ABCB11: variants seen among roughly 807,000 people sequenced by gnomAD.
ABCB11 encodes bile salt export pump.
ABCB11 carries 95 observed loss-of-function variants against 148.0 expected under a neutral mutation model. The observed-to-expected ratio is 0.64, with a 90% CI of 0.54 to 0.76. The LOEUF (loss-of-function observed/expected upper bound fraction) is 0.76, where lower values mean the gene tolerates loss of function less well. Among genes scored for constraint, ABCB11 ranks in the 30% least tolerant of loss-of-function variants. The pLI is 0.00. For missense variants in ABCB11, 1,523 were observed against 1,617.8 expected, an observed-to-expected ratio of 0.94 and a Z score of 1.01; for synonymous variants, 591 against 555.4, an observed-to-expected ratio of 1.06 and a Z score of -0.90.
chr2:169,014,237 T>G, intron 4 of ABCB11, 66 bp downstream of exon 4: 4 of 1,440,290 alleles, frequency 2.8e-6, no homozygotes, highest in Non-Finnish European at 3.9e-6. Flanking sequence ...GATTTAACAC[T>G]CCCCTCATGA....
intron 5 of ABCB11, among the ~76,000 whole-genome samples, 167 bp from the exon 6 acceptor site, chr2:168,996,889 A>G (rs889589370): frequency 6.7e-6 from 1 of 149,874 alleles, no homozygotes; most frequent in East Asian, 1.9e-4. Context: ...TGAGTAAGAC[A>G]TTTTATCTAT....
intron 10 of ABCB11, 26 bp downstream of exon 10, chr2:168,986,084 T>C: frequency 6.7e-7 from 1 of 1,500,254 alleles, no homozygotes; most frequent in Non-Finnish European, 8.9e-7. Context: ...GGAAATGCTA[T>C]GTCTCGGTCA....
At chr2:168,934,041 C>G (rs1691707500) in intron 23 of ABCB11, among the ~76,000 whole-genome samples, 1 of 152,116 alleles carries the variant, frequency 6.6e-6, no homozygotes, top group South Asian at 2.1e-4. Flanking sequence ...TGAGCCACCG[C>G]ACCCAGCCTG....
At chr2:168,940,368 G>C (rs976038388) in intron 21 of ABCB11, among the ~76,000 whole-genome samples, 1 of 152,094 alleles carries the variant, frequency 6.6e-6, no homozygotes, top group African/African-American at 2.4e-5. Context: ...AAGTGAACCA[G>C]CTTTATTGAT....
chr2:168,956,586 A>G (rs1692801465), intron 19 of ABCB11, among the ~76,000 whole-genome samples: 1 of 151,624 alleles, frequency 6.6e-6, no homozygotes, highest in South Asian at 2.1e-4. Context: ...ACAGTAGACC[A>G]CAACAGCATG....
intron 9 of ABCB11, among the ~76,000 whole-genome samples, chr2:168,989,824 A>G (rs1694451432): frequency 6.6e-6 from 1 of 152,010 alleles, no homozygotes; most frequent in African/African-American, 2.4e-5. Context: ...AGGAAAGGAT[A>G]TTGAATTTTG....
At chr2:168,988,465 T>G (rs576642622) in intron 9 of ABCB11, among the ~76,000 whole-genome samples, 1 of 152,182 alleles carries the variant, frequency 6.6e-6, no homozygotes, top group Non-Finnish European at 1.5e-5. Flanking sequence ...TAGTATTCTA[T>G]TGAATATGGC....
chr2:168,953,945 GTTCACC>G (rs1692676167), intron 19 of ABCB11, among the ~76,000 whole-genome samples: 2 of 151,586 alleles, frequency 1.3e-5, no homozygotes, highest in Admixed American at 1.3e-4. Context: ...CCAAACCAAT[GTTCACC>G]TTACATATGT....
chr2:169,025,739 A>G (rs1695675813), intron 1 of ABCB11, among the ~76,000 whole-genome samples: 1 of 152,222 alleles, frequency 6.6e-6, no homozygotes, highest in South Asian at 2.1e-4. Flanking sequence ...AAAATCCATT[A>G]AATCATGCGT....
At chr2:168,919,293 C>T (rs1171631911), downstream of ABCB11, among the ~76,000 whole-genome samples, 1 of 152,054 alleles carries the variant, frequency 6.6e-6, no homozygotes, top group Non-Finnish European at 1.5e-5. Flanking sequence ...TTCTTTCCAC[C>T]TAGAGCTAAT....
At chr2:168,955,387 C>T (rs55677800) in intron 19 of ABCB11, among the ~76,000 whole-genome samples, 4,311 of 151,326 alleles carry the variant, frequency 0.028, 188 homozygotes, top group African/African-American at 0.1. Flanking sequence ...CTTACAATCA[C>T]GGTGGAAAGA....
At chr2:168,948,978 A>T (rs933665874) in intron 19 of ABCB11, among the ~76,000 whole-genome samples, 2 of 151,758 alleles carry the variant, frequency 1.3e-5, no homozygotes, top group East Asian at 3.9e-4. Flanking sequence ...GTAGGGAACT[A>T]AAATGTAAGC....
intron 9 of ABCB11, among the ~76,000 whole-genome samples, chr2:168,988,918 T>C (rs1276625456): frequency 6.6e-6 from 1 of 152,162 alleles, no homozygotes; most frequent in Non-Finnish European, 1.5e-5. Context: ...TGTACGTTTC[T>C]ATTTGTATGT....
intron 5 of ABCB11, among the ~76,000 whole-genome samples, chr2:169,007,774 A>G (rs2106036147): frequency 6.6e-6 from 1 of 152,334 alleles, no homozygotes; most frequent in African/African-American, 2.4e-5. Context: ...CAACAAAAGA[A>G]CAAACTAGAC....
intron 5 of ABCB11, among the ~76,000 whole-genome samples, chr2:169,001,480 G>A (rs994239145): frequency 6.6e-6 from 1 of 152,068 alleles, no homozygotes; most frequent in Admixed American, 6.6e-5. Context: ...TAAGGGGAGA[G>A]GTGCCTTACT....
chr2:168,917,402 T>C (rs553209235), downstream of ABCB11, among the ~76,000 whole-genome samples: 149 of 152,294 alleles, frequency 9.8e-4, no homozygotes, highest in African/African-American at 3.5e-3. Flanking sequence ...TTCTTACAGA[T>C]CAACTGGAAG....
At chr2:168,936,201 G>T (rs553546995) in intron 22 of ABCB11, 29 bp downstream of exon 22, 51 of 1,602,540 alleles carry the variant, frequency 3.2e-5, no homozygotes, top group Non-Finnish European at 4.0e-5. Flanking sequence ...CAGCCATGAG[G>T]AATGGGAAAA....
At chr2:168,985,837 T>C (rs1474288968) in intron 10 of ABCB11, among the ~76,000 whole-genome samples, 1 of 152,024 alleles carries the variant, frequency 6.6e-6, no homozygotes. Context: ...AGAGCTTGGA[T>C]TCAGTGTATA....
intron 18 of ABCB11, among the ~76,000 whole-genome samples, chr2:168,962,081 T>C (rs1362304001): frequency 2.0e-5 from 3 of 151,732 alleles, no homozygotes. Flanking sequence ...ATTATTTTCT[T>C]TTCAAAAATC....
Sources: gnomAD v4.1 joint callset for allele counts (sites outside exome capture counted in the v4.1 genomes callset) on GRCh38, gnomAD v4.1.1 for gene constraint, MANE v1.5 for transcripts, NCBI Gene and HGNC (gene_info 2026-07-23, HGNC 2026-07-21) for gene names.